The following SPTAN1 variants were observed in gnomAD, a reference collection of about 807,000 sequenced individuals.
SPTAN1 encodes spectrin alpha, non-erythrocytic 1.
SPTAN1 carries 61 observed loss-of-function variants against 331.3 expected under a neutral mutation model. The ratio of observed to expected loss-of-function variants is 0.18; its 90% CI spans 0.15 to 0.23. SPTAN1 has a LOEUF of 0.23. SPTAN1 is among the 10% of genes least tolerant of loss of function. The pLI is 1.00. For missense variants in SPTAN1, 2,043 were observed against 3,147.9 expected (o/e 0.65, Z 8.40); for synonymous variants, 1,153 against 1,173.9 (o/e 0.98, Z 0.36).
Position 128,583,771 on chromosome 9 carries a change from C to G in SPTAN1, c.2012-17C>G. 1.9e-6 allele frequency: 3 copies of G among 1,614,110 alleles called. No individual in the cohort carries two copies. The highest frequency in any genetic ancestry group is 2.5e-6 in the Non-Finnish European group (3 of 1,179,988). Reference sequence around the variant, plus strand: ...TAATGCTAAGCAGTACAAAATTAAACTTGTTTTCTTCCATAGGAATAAAGC... The same window carrying G: ...TAATGCTAAGCAGTACAAAATTAAAGTTGTTTTCTTCCATAGGAATAAAGC... On this transcript the variant is annotated splice_polypyrimidine_tract_variant and intron_variant, in intron 15 of 56. Transcript: ENST00000372739.
Position 128,568,607 on chromosome 9 carries a change from A to G in SPTAN1, c.238-165A>G, listed in dbSNP as rs1007111557. 5.9e-5 allele frequency among the ~76,000 whole-genome samples: 9 copies of G among 152,172 alleles called. No homozygotes were observed. The South Asian group carries it at 1.4e-3, about 25-fold the overall frequency. ...AGAGGACCAGGAGAAATGCAGTCAG[A>G]GTATTTGAGGAATTGAGCAGGTAAG... is the stretch of plus-strand genomic sequence containing the variant. On this transcript the variant is annotated intron_variant, in intron 2 of 56. Transcript: ENST00000372739.
chr9:128,598,769 A>G, intron 25 of SPTAN1, 194 bp from the exon 26 acceptor site: 2 of 653,826 alleles, frequency 3.1e-6, no homozygotes, highest in Non-Finnish European at 5.4e-6. Flanking sequence ...GCCATTAACT[A>G]ATGGTAATTT....
chr9:128,575,839 G>T (rs1363388449), intron 5 of SPTAN1, among the ~76,000 whole-genome samples: 1 of 152,150 alleles, frequency 6.6e-6, no homozygotes, highest in Non-Finnish European at 1.5e-5. Context: ...CTTCCCCAGT[G>T]CCCACGTGTA....
chr9:128,558,133 A>G (rs1257998585), intron 1 of SPTAN1, among the ~76,000 whole-genome samples: 2 of 152,182 alleles, frequency 1.3e-5, no homozygotes, highest in African/African-American at 2.4e-5. Context: ...CAAGATTCAT[A>G]TATTCAGACC....
chr9:128,617,911 G>T, intron 42 of SPTAN1, 76 bp from the exon 43 acceptor site: 1 of 1,613,360 alleles, frequency 6.2e-7, no homozygotes. Context: ...TGATGTTGAG[G>T]CCTTTTCCTG....
chr9:128,561,279 A>C (rs1849305631), intron 1 of SPTAN1, among the ~76,000 whole-genome samples: 1 of 151,680 alleles, frequency 6.6e-6, no homozygotes, highest in African/African-American at 2.4e-5. Flanking sequence ...AGGCTGAGGC[A>C]GGAGAATTGC....
At chr9:128,575,091 A>G in intron 4 of SPTAN1, 108 bp from the exon 5 acceptor site, 4 of 1,498,766 alleles carry the variant, frequency 2.7e-6, no homozygotes, top group African/African-American at 1.4e-5. Context: ...AACTGTATCC[A>G]TTAAAGCTAA....
chr9:128,612,061 C>T (rs764968693), intron 38 of SPTAN1, 48 bp from the exon 39 acceptor site: 19 of 1,613,756 alleles, frequency 1.2e-5, no homozygotes, highest in African/African-American at 2.7e-5. Flanking sequence ...AGGAGAGGGA[C>T]GATTCTTCAT....
In SPTAN1 at chr9:128,627,273, C is replaced by CT; in HGVS notation, c.6577-110dup. 1.1e-6 allele frequency: 1 copy of CT among 907,994 alleles called. No homozygotes were observed. Among genetic ancestry groups the CT allele is most frequent in the South Asian group, 1.5e-5 (1 of 64,850 alleles). The allele number at this position is 907,994 out of a possible 1,614,324, so 56.2% of individuals were successfully genotyped here. A position where few individuals can be genotyped will look rare whatever the true frequency, so the allele number is the denominator to read the frequency against. On this transcript the variant is annotated intron_variant, in intron 49 of 56. Coordinates refer to ENST00000372739, the MANE Select transcript of SPTAN1 (RefSeq NM_001130438.3). This position sits in a 1 kb window ranked among gnomAD's most constrained non-coding sequence, Gnocchi z 4.9. Reference sequence around the variant, plus strand: ...ATGTCTCCCAGCCTCCTCCTCTCATCTTTGGGGAGGTTCCTTGTGGGGAGG... The same window carrying CT: ...ATGTCTCCCAGCCTCCTCCTCTCATCTTTTGGGGAGGTTCCTTGTGGGGAGG...
chr9:128,600,974 CTTTTTTTTTTT>C lies in SPTAN1; in HGVS notation c.3579+876_3579+886del, dbSNP rs60290370. 2.2e-3 allele frequency among the ~76,000 whole-genome samples: 91 copies of C among 40,864 alleles called. 1 individual carries two copies. The highest frequency in any genetic ancestry group is 6.9e-3 in the African/African-American group (78 of 11,324). The allele number at this position is 40,864 out of a possible 152,430, so 26.8% of individuals were successfully genotyped here. On this transcript the variant is annotated intron_variant, in intron 27 of 56. Coordinates refer to ENST00000372739, the MANE Select transcript of SPTAN1 (RefSeq NM_001130438.3). Reference sequence around the variant, plus strand: ...CACAGCACACAGCCAGGGAGAAAGTCTTTTTTTTTTTTTTTTTTTTTTTTTTTGAGACGGAG... The same window carrying C: ...CACAGCACACAGCCAGGGAGAAAGTCTTTTTTTTTTTTTTTTGAGACGGAG...
intron 37 of SPTAN1, among the ~76,000 whole-genome samples, chr9:128,610,284 G>A (rs1334318638): frequency 4.6e-5 from 7 of 152,204 alleles, no homozygotes; most frequent in African/African-American, 1.7e-4. Flanking sequence ...TTAAGCGGGT[G>A]GAAGAAATGA....
At chr9:128,626,949 G>T in intron 49 of SPTAN1, 1 of 615,776 alleles carries the variant, frequency 1.6e-6, no homozygotes, top group Non-Finnish European at 3.0e-6. Flanking sequence ...TGAATAACTG[G>T]GACTACAAGC....
intron 23 of SPTAN1, 176 bp from the exon 24 acceptor site, chr9:128,593,999 G>A: frequency 2.9e-6 from 2 of 683,884 alleles, no homozygotes; most frequent in Admixed American, 4.1e-5. Flanking sequence ...TCAGGCTGTG[G>A]CGTGGGTACT....
intron 40 of SPTAN1, 122 bp downstream of exon 40, chr9:128,613,607 A>G: frequency 1.2e-6 from 1 of 806,038 alleles, no homozygotes; most frequent in Non-Finnish European, 2.1e-6. Flanking sequence ...GCCATTCTCA[A>G]AGGTTGTGGC....
chr9:128,576,861 G>C lies in SPTAN1; in HGVS notation c.690G>C (p.Gln230His). Residue 230 changes from glutamine (Q) to histidine (H), a missense_variant, in exon 6 of 57, where the codon CAG (glutamine) becomes CAC (histidine). By Grantham distance (24) the Gln-to-His change is conservative. Coordinates refer to ENST00000372739, the MANE Select transcript of SPTAN1 (RefSeq NM_001130438.3). Reference sequence around the variant, plus strand: ...AGGAGGAACTGATCAAGACTAAGCAGGATGAAGTCAATGCAGCCTGGCAGC... The same window carrying C: ...AGGAGGAACTGATCAAGACTAAGCACGATGAAGTCAATGCAGCCTGGCAGC... Reference protein sequence around the residue: ...HPEEELIKTKQDEVNAAWQRL... With the variant: ...HPEEELIKTKHDEVNAAWQRL... 6.2e-7 allele frequency: 1 copy of C among 1,614,082 alleles called. No individual in the cohort carries two copies. The highest frequency in any genetic ancestry group is 8.5e-7 in the Non-Finnish European group (1 of 1,180,038).
chr9:128,607,993 C>G lies in SPTAN1; in HGVS notation c.4288C>G (p.Leu1430Val), dbSNP rs1057523806. ...LDILDQERAD[L>V]EKAWVQRRMM... ...TATTCTTGACCAGGAGCGTGCAGAC[C>G]TGGAGAAGGCCTGGGTTCAGCGCAG... is the stretch of plus-strand genomic sequence containing the variant. Residue 1430 changes from leucine to valine, a missense_variant, in exon 33 of 57, where the codon CTG becomes GTG. Physicochemically the swap from Leu to Val is conservative, Grantham distance 32. Around this residue, in one of 12 missense-constraint regions of SPTAN1, gnomAD observed 179 missense variants for 215.7 expected, o/e 0.83. Transcript: ENST00000372739. 1 of 1,614,102 alleles carries G rather than the reference C, an allele frequency of 6.2e-7. No individual in the cohort carries two copies. Among genetic ancestry groups the G allele is most frequent in the African/African-American group, 1.3e-5 (1 of 75,022 alleles).
chr9:128,614,569 G>A (rs544152141), intron 40 of SPTAN1, among the ~76,000 whole-genome samples: 12 of 149,388 alleles, frequency 8.0e-5, no homozygotes, highest in Admixed American at 4.7e-4. Flanking sequence ...CAGCCTGGGC[G>A]ACAGAATGAG....
intron 46 of SPTAN1, chr9:128,624,833 A>C: frequency 3.5e-6 from 2 of 567,834 alleles, no homozygotes; most frequent in Non-Finnish European, 6.3e-6. Flanking sequence ...GGGTGAGGGA[A>C]AACTGGGTCC....
intron 42 of SPTAN1, 31 bp from the exon 43 acceptor site, chr9:128,617,956 T>C: frequency 1.2e-6 from 2 of 1,614,144 alleles, no homozygotes; most frequent in Middle Eastern, 1.7e-4. Context: ...AAGAGCTACC[T>C]GCTGTTAACC....
Sources: allele counts gnomAD v4.1 joint callset (sites outside exome capture counted in the v4.1 genomes callset), GRCh38; gene constraint gnomAD v4.1.1; regional missense constraint gnomAD v4.1.1; non-coding constraint Gnocchi (gnomAD v3.1); transcripts MANE v1.5; gene names NCBI Gene and HGNC (gene_info 2026-07-23, HGNC 2026-07-21).